The following PRKG1 variants were observed in gnomAD, a reference collection of about 807,000 sequenced individuals.
The protein encoded by PRKG1 is cGMP-dependent protein kinase 1.
In PRKG1, 35 loss-of-function variants were observed where a neutral mutation model predicts 88.1. The ratio of observed to expected loss-of-function variants is 0.40; its 90% confidence interval spans 0.30 to 0.53. The LOEUF (loss-of-function observed/expected upper bound fraction) is 0.53, where lower values mean the gene tolerates loss of function less well. Among genes scored for constraint, PRKG1 ranks in the 20% least tolerant of loss-of-function variants. The pLI is 0.59. For synonymous variants in PRKG1, 303 were observed against 292.5 expected (o/e 1.04, Z -0.37); for missense variants, 540 against 839.8 (o/e 0.64, Z 4.41).
intron 7 of PRKG1, among the ~76,000 whole-genome samples, chr10:52,063,657 T>C (rs538100171): frequency 4.6e-5 from 7 of 152,170 alleles, no homozygotes; most frequent in Non-Finnish European, 1.0e-4. Context: ...TATTGAACAC[T>C]AGAATAGCTC....
At chr10:51,326,829 A>AC (rs1412658698) in intron 2 of PRKG1, among the ~76,000 whole-genome samples, 1 of 152,216 alleles carries the variant, frequency 6.6e-6, no homozygotes, top group Non-Finnish European at 1.5e-5. Flanking sequence ...AAAAATCTTG[A>AC]CTTTTTTCAT....
intron 1 of PRKG1, among the ~76,000 whole-genome samples, chr10:51,051,752 T>C (rs1246551878): frequency 6.6e-6 from 1 of 152,128 alleles, no homozygotes; most frequent in Non-Finnish European, 1.5e-5. Context: ...CATAATACAC[T>C]GGCCTGCTAT....
At chr10:51,618,007 G>T (rs1384258341) in intron 3 of PRKG1, among the ~76,000 whole-genome samples, 2 of 152,180 alleles carry the variant, frequency 1.3e-5, no homozygotes, top group African/African-American at 2.4e-5. Flanking sequence ...TTCTACAGTT[G>T]AATCAATAGC....
intron 9 of PRKG1, among the ~76,000 whole-genome samples, chr10:52,221,978 G>T (rs1050627447): frequency 6.6e-6 from 1 of 152,158 alleles, no homozygotes; most frequent in Non-Finnish European, 1.5e-5. Context: ...CATAGATGAT[G>T]GGTAAATATC....
intron 3 of PRKG1, among the ~76,000 whole-genome samples, chr10:51,584,516 A>T (rs1159891781): frequency 3.9e-5 from 6 of 152,070 alleles, no homozygotes; most frequent in Non-Finnish European, 5.9e-5. Flanking sequence ...CCATTCTCAT[A>T]GTGCACCCTA....
intron 4 of PRKG1, among the ~76,000 whole-genome samples, chr10:51,857,729 G>A (rs994977243): frequency 3.3e-5 from 5 of 152,008 alleles, no homozygotes; most frequent in African/African-American, 4.8e-5. Context: ...TTTCTTTAGA[G>A]CCAGCCAGAT....
chr10:51,364,707 C>A (rs922583721), intron 2 of PRKG1, among the ~76,000 whole-genome samples: 1 of 151,798 alleles, frequency 6.6e-6, no homozygotes, highest in African/African-American at 2.4e-5. Context: ...AATAATAATT[C>A]TTTGGTGTAA....
rs535473476 is a variant in PRKG1 at position 51,423,830 on chromosome 10, G to C, written c.479-43893G>C. ...ATTATTTTTTATTTAAAATATGTTG[G>C]CCAAAAGCAGATTTTAGAAATAAAT... On this transcript the variant is annotated intron_variant, in intron 2 of 17. Transcript: ENST00000373980. 3.3e-5 allele frequency among the ~76,000 whole-genome samples: 5 copies of C among 152,030 alleles called. No homozygotes were observed. In the East Asian group the frequency reaches 9.6e-4, roughly 29 times the overall value.
intron 9 of PRKG1, chr10:52,231,084 A>C (rs1237393302): frequency 1.3e-5 from 2 of 152,196 alleles, no homozygotes; most frequent in Non-Finnish European, 2.9e-5. Context: ...TTAGGTAATT[A>C]GGTGTTACTA....
intron 4 of PRKG1, among the ~76,000 whole-genome samples, chr10:51,870,230 T>C (rs1350348179): frequency 2.6e-5 from 4 of 152,168 alleles, no homozygotes; most frequent in Non-Finnish European, 4.4e-5. Flanking sequence ...TAAGGTGTTA[T>C]AGGTGCCCAA....
intron 3 of PRKG1, among the ~76,000 whole-genome samples, chr10:51,517,174 G>A (rs1047386855): frequency 2.0e-5 from 3 of 152,204 alleles, no homozygotes; most frequent in Admixed American, 6.5e-5. Context: ...AAGATCAGAA[G>A]AAACAGTTAC....
At chr10:51,330,522 G>A (rs566568913) in intron 2 of PRKG1, among the ~76,000 whole-genome samples, 26 of 152,088 alleles carry the variant, frequency 1.7e-4, no homozygotes, top group South Asian at 1.7e-3. Flanking sequence ...TTTACTTTTC[G>A]TATTTTTTCT....
At chr10:51,335,873 ATGGATTAAGTTTCAAGAATCCCTTTG>A (rs1363202289) in intron 2 of PRKG1, among the ~76,000 whole-genome samples, 1 of 152,196 alleles carries the variant, frequency 6.6e-6, no homozygotes, top group Non-Finnish European at 1.5e-5. Context: ...CTGTTTATGA[ATGGATTAAGTTTCAAGAATCCCTTTG>A]TGAAAGTCAA....
chr10:51,734,739 T>G (rs1031336634), intron 3 of PRKG1, among the ~76,000 whole-genome samples: 1 of 152,136 alleles, frequency 6.6e-6, no homozygotes, highest in African/African-American at 2.4e-5. Flanking sequence ...CAAAACAGAA[T>G]AAATCTGCAG....
chr10:52,255,380 C>T (rs545651252), intron 10 of PRKG1, among the ~76,000 whole-genome samples: 75 of 152,000 alleles, frequency 4.9e-4, no homozygotes, highest in Non-Finnish European at 1.9e-4. Flanking sequence ...GACTCAAAGA[C>T]AAACTGATTT....
At chr10:51,178,888 T>C (rs1023556543) in intron 2 of PRKG1, among the ~76,000 whole-genome samples, 3 of 152,178 alleles carry the variant, frequency 2.0e-5, no homozygotes, top group African/African-American at 7.2e-5. Flanking sequence ...TACACTGACC[T>C]TCTAATAACC....
At chr10:51,588,714 G>A (rs944645955) in intron 3 of PRKG1, among the ~76,000 whole-genome samples, 2 of 152,112 alleles carry the variant, frequency 1.3e-5, no homozygotes, top group African/African-American at 4.8e-5. Context: ...ATTAACTGAG[G>A]GTTGAGATTC....
At chr10:52,075,303 G>A (rs561798972) in intron 7 of PRKG1, among the ~76,000 whole-genome samples, 3 of 152,120 alleles carry the variant, frequency 2.0e-5, no homozygotes, top group African/African-American at 4.8e-5. Flanking sequence ...GTTGTAAGAC[G>A]CAGTATTATT....
At chr10:52,122,113 T>C (rs1031879353) in intron 7 of PRKG1, among the ~76,000 whole-genome samples, 1 of 152,210 alleles carries the variant, frequency 6.6e-6, no homozygotes, top group Non-Finnish European at 1.5e-5. Flanking sequence ...GGGGCTCACA[T>C]CTGGTGAGGG....
Sources: allele counts gnomAD v4.1 joint callset (sites outside exome capture counted in the v4.1 genomes callset), GRCh38; gene constraint gnomAD v4.1.1; transcripts MANE v1.5; gene names NCBI Gene and HGNC (gene_info 2026-07-23, HGNC 2026-07-21).